PRUNE2: variants seen among roughly 807,000 people sequenced by gnomAD.
PRUNE2 encodes the protein protein prune homolog 2.
Under a neutral mutation model 252.0 loss-of-function variants are expected in PRUNE2, and 164 were observed. The ratio of observed to expected loss-of-function variants is 0.65; its 90% CI spans 0.57 to 0.74. The LOEUF (loss-of-function observed/expected upper bound fraction) is 0.74, where lower values mean the gene tolerates loss of function less well. Among genes scored for constraint, PRUNE2 ranks in the 30% least tolerant of loss-of-function variants. PRUNE2 has a pLI of 0.00. For synonymous variants in PRUNE2, 1,292 were observed against 1,350.2 expected (o/e 0.96, Z 0.94); for missense variants, 3,495 against 3,711.0 (o/e 0.94, Z 1.51).
intron 6 of PRUNE2, among the ~76,000 whole-genome samples, chr9:76,730,061 A>C (rs1442920444): frequency 1.3e-5 from 2 of 152,182 alleles, no homozygotes; most frequent in Non-Finnish European, 2.9e-5. Context: ...CTATTTCATC[A>C]GTTTATTCAA....
chr9:76,700,461 T>C (rs375275242), intron 9 of PRUNE2, among the ~76,000 whole-genome samples: 2 of 152,198 alleles, frequency 1.3e-5, no homozygotes, highest in East Asian at 3.9e-4. Flanking sequence ...CCTGTCCCCA[T>C]GGCTTCCTTC....
At chr9:76,826,319 C>A (rs1374139079) in intron 5 of PRUNE2, among the ~76,000 whole-genome samples, 1 of 152,074 alleles carries the variant, frequency 6.6e-6, no homozygotes, top group African/African-American at 2.4e-5. Flanking sequence ...ACTAAAAATG[C>A]CAAAAATTAG....
At chr9:76,666,679 G>A (rs1019057281) in intron 9 of PRUNE2, among the ~76,000 whole-genome samples, 2 of 151,884 alleles carry the variant, frequency 1.3e-5, no homozygotes, top group African/African-American at 2.4e-5. Context: ...TAACAGTGCA[G>A]CCTTGCATTC....
At chr9:76,777,872 G>A (rs2053969642) in intron 6 of PRUNE2, among the ~76,000 whole-genome samples, 1 of 152,144 alleles carries the variant, frequency 6.6e-6, no homozygotes, top group Non-Finnish European at 1.5e-5. Context: ...AGGTATCTAG[G>A]GAAACTGTTT....
intron 6 of PRUNE2, among the ~76,000 whole-genome samples, chr9:76,804,905 C>A (rs2056826484): frequency 6.6e-6 from 1 of 152,186 alleles, no homozygotes; most frequent in South Asian, 2.1e-4. Flanking sequence ...CTGTTCCTTG[C>A]AGTATTCCTC....
chr9:76,703,988 T>A lies in PRUNE2; in HGVS notation c.7625A>T (p.Asp2542Val). 6.2e-7 allele frequency: 1 copy of A among 1,613,926 alleles called. No individual in the cohort carries two copies. The highest frequency in any genetic ancestry group is 2.2e-5 in the East Asian group (1 of 44,884). Residue 2542 changes from aspartate to valine, a missense_variant, in exon 9 of 19, where the codon GAT becomes GTT. Coordinates refer to ENST00000376718, the MANE Select transcript of PRUNE2 (RefSeq NM_015225.3). ...GTAATCCATGTGTAGTGCATGACGA[T>A]CTTCATTCTTCTCTGTACATCTTTC... Reference protein sequence around the residue: ...KEERCTEKNEDRHALHMDYIL... With the variant: ...KEERCTEKNEVRHALHMDYIL...
intron 6 of PRUNE2, among the ~76,000 whole-genome samples, chr9:76,774,450 C>CTTTTTTTATTTATTTATTTATTTTT (rs1564272256): frequency 5.3e-4 from 22 of 41,402 alleles, no homozygotes; most frequent in South Asian, 9.9e-4. Context: ...CAGTTCAACC[C>CTTTTTTTATTTATTTATTTATTTTT]TTTTTTTTTT....
Position 76,731,326 on chromosome 9 carries a change from T to TATATA in PRUNE2, c.757-17606_757-17605insTATAT, listed in dbSNP as rs1282077047. Among the ~76,000 whole-genome samples, 566 of 100,902 alleles carry TATATA rather than the reference T, an allele frequency of 5.6e-3. 5 individuals are homozygous for TATATA. The highest frequency in any genetic ancestry group is 0.017 in the African/African-American group (383 of 22,080). 66.2% of individuals were successfully genotyped at this position (100,902 alleles called of 152,430 possible). On this transcript the variant is annotated intron_variant, in intron 6 of 18. Coordinates refer to ENST00000376718, the MANE Select transcript of PRUNE2 (RefSeq NM_015225.3). ...TCTATCTATCTATATATATATATAT[T>TATATA]TTTTTTTTTTTTTTGAGACAGGGTA...
At position 76,708,394 on chromosome 9, in the gene PRUNE2, G is replaced by T; in HGVS notation, c.3880C>A (p.Gln1294Lys). ...DKQDTERETL[Q>K]SDAASLATRL... ...GTCGCCAAGGATGCTGCATCACTTT[G>T]CAGGGTTTCCCTCTCTGTGTCCTGC... Residue 1294 changes from glutamine (Q) to lysine (K), a missense_variant, in exon 8 of 19, where the codon CAA (glutamine) becomes AAA (lysine). Coordinates refer to ENST00000376718, the MANE Select transcript of PRUNE2 (RefSeq NM_015225.3). The T allele has an allele frequency of 2.5e-6, 4 of 1,613,790 alleles. No individual in the cohort carries two copies. Among genetic ancestry groups the T allele is most frequent in the Non-Finnish European group, 1.7e-6 (2 of 1,179,856 alleles).
At chr9:76,714,789 C>T (rs1588781186) in intron 6 of PRUNE2, among the ~76,000 whole-genome samples, 1 of 152,126 alleles carries the variant, frequency 6.6e-6, no homozygotes, top group African/African-American at 2.4e-5. Context: ...ATATGCTAGC[C>T]CCTAACATAA....
intron 1 of PRUNE2, among the ~76,000 whole-genome samples, chr9:76,905,095 C>CT (rs1031020569): frequency 2.6e-5 from 4 of 151,294 alleles, no homozygotes; most frequent in African/African-American, 7.3e-5. Context: ...ACAGGCTTTT[C>CT]TTTTTTTTTC....
intron 2 of PRUNE2, among the ~76,000 whole-genome samples, chr9:76,852,335 G>T (rs1564440247): frequency 1.3e-5 from 2 of 152,364 alleles, no homozygotes; most frequent in South Asian, 4.1e-4. Flanking sequence ...ATTGAAACTT[G>T]AGTGGGGAAG....
chr9:76,737,426 T>G (rs1193211492), intron 6 of PRUNE2: 1 of 152,150 alleles, frequency 6.6e-6, no homozygotes, highest in Non-Finnish European at 1.5e-5. Context: ...AGGTGTGGAG[T>G]GCATGACCAT....
chr9:76,707,850 T>G lies in PRUNE2; in HGVS notation c.4424A>C (p.Glu1475Ala). 6.2e-7 allele frequency: 1 copy of G among 1,613,780 alleles called. No individual in the cohort carries two copies. The highest frequency in any genetic ancestry group is 8.5e-7 in the Non-Finnish European group (1 of 1,179,808). The change falls in exon 8 of 19, where the codon GAG becomes GCG. Residue 1475 changes from glutamate to alanine, a missense_variant. Coordinates refer to ENST00000376718, the MANE Select transcript of PRUNE2 (RefSeq NM_015225.3). ...GTGAGGTGGCCCTCCACCCACGTTC[T>G]CTGGCTCTAGAAAGTTACATTCTTC... The part of the protein sequence containing the change: ...KTEECNFLEP[E>A]NVGGGPPHRV...
chr9:76,702,948 C>T (rs2134748787), intron 9 of PRUNE2, among the ~76,000 whole-genome samples: 1 of 152,236 alleles, frequency 6.6e-6, no homozygotes, highest in East Asian at 1.9e-4. Flanking sequence ...CTTCCATTCC[C>T]CCCACTGGCA....
At chr9:76,796,981 T>C (rs1211896846) in intron 6 of PRUNE2, among the ~76,000 whole-genome samples, 1 of 152,142 alleles carries the variant, frequency 6.6e-6, no homozygotes, top group Non-Finnish European at 1.5e-5. Flanking sequence ...TGAAGAACCC[T>C]GACCAATACA....
intron 1 of PRUNE2, among the ~76,000 whole-genome samples, chr9:76,892,071 A>G (rs1318111176): frequency 2.1e-5 from 3 of 143,332 alleles, no homozygotes; most frequent in Non-Finnish European, 4.6e-5. Flanking sequence ...TAGCCCCCCC[A>G]GCCAGATTCT....
chr9:76,743,871 A>T (rs1365097793), intron 6 of PRUNE2, among the ~76,000 whole-genome samples: 2 of 152,192 alleles, frequency 1.3e-5, no homozygotes, highest in Non-Finnish European at 2.9e-5. Context: ...TCAATTTACT[A>T]AATATTTCTT....
In PRUNE2 at chr9:76,705,039, T is replaced by A. The variant is rs373738458; in HGVS notation, c.7235A>T (p.Glu2412Val). The change falls in exon 8 of 19, where the codon GAG becomes GTG. Residue 2412 changes from glutamate (E) to valine (V), a missense_variant. Physicochemically the swap from Glu to Val is moderately radical, Grantham distance 121. Transcript: ENST00000376718. The part of the protein sequence containing the change: ...TEPAQSAETI[E>V]EAGSPEDESL... Reference sequence around the variant, plus strand: ...TTCATCCTCTGGAGACCCAGCTTCCTCTATTGTTTCAGCACTCTGGGCAGG... The same window carrying A: ...TTCATCCTCTGGAGACCCAGCTTCCACTATTGTTTCAGCACTCTGGGCAGG... 4 of 1,614,016 alleles carry A rather than the reference T, an allele frequency of 2.5e-6. No individual in the cohort carries two copies. Among genetic ancestry groups the A allele is most frequent in the Non-Finnish European group, 3.4e-6 (4 of 1,179,882 alleles).
Sources: allele counts gnomAD v4.1 joint callset (sites outside exome capture counted in the v4.1 genomes callset), GRCh38; gene constraint gnomAD v4.1.1; transcripts MANE v1.5; gene names NCBI Gene and HGNC (gene_info 2026-07-23, HGNC 2026-07-21).